The following RBFOX3 variants were observed in gnomAD, a reference collection of about 807,000 sequenced individuals.
RBFOX3 encodes RNA binding fox-1 homolog 3, also known as RNA binding protein fox-1 homolog 3.
Under a neutral mutation model 48.7 loss-of-function variants are expected in RBFOX3, and 17 were observed. That is an observed-to-expected ratio of 0.35 (90% CI 0.24 to 0.52). RBFOX3 has a LOEUF of 0.52. Ranked by LOEUF, RBFOX3 falls within the 20% of genes least tolerant of loss-of-function variation. The pLI is 0.94. For synonymous variants in RBFOX3, 212 were observed against 209.5 expected (o/e 1.01, Z -0.10); for missense variants, 382 against 497.5 (o/e 0.77, Z 2.21).
At chr17:79,345,124 C>G (rs904058674) in intron 2 of RBFOX3, among the ~76,000 whole-genome samples, 6 of 152,234 alleles carry the variant, frequency 3.9e-5, no homozygotes, top group African/African-American at 1.2e-4. Flanking sequence ...TGGAGTTCTT[C>G]AGAGGACAAT....
chr17:79,153,720 C>A (rs2707033), intron 4 of RBFOX3, among the ~76,000 whole-genome samples: 2 of 152,062 alleles, frequency 1.3e-5, no homozygotes, highest in African/African-American at 4.8e-5. Flanking sequence ...GTAACCAATC[C>A]CACCACCTGC....
intron 2 of RBFOX3, among the ~76,000 whole-genome samples, chr17:79,378,875 G>GT (rs2059547534): frequency 1.3e-5 from 2 of 152,220 alleles, no homozygotes; most frequent in Admixed American, 6.5e-5. Context: ...CGCACAGTGG[G>GT]TACAGGGGTG....
intron 4 of RBFOX3, among the ~76,000 whole-genome samples, chr17:79,156,816 T>C (rs1220987243): frequency 2.0e-5 from 3 of 152,156 alleles, no homozygotes; most frequent in Non-Finnish European, 2.9e-5. Flanking sequence ...GAGCCTGGCT[T>C]GCTGGAGTCC....
intron 3 of RBFOX3, among the ~76,000 whole-genome samples, chr17:79,284,541 C>A (rs910999119): frequency 3.6e-4 from 15 of 42,094 alleles, no homozygotes; most frequent in Non-Finnish European, 1.4e-4. Context: ...GGAAGAGACT[C>A]GCTTTTTTTT....
intron 2 of RBFOX3, among the ~76,000 whole-genome samples, chr17:79,312,564 G>A (rs2077001451): frequency 6.6e-6 from 1 of 152,148 alleles, no homozygotes; most frequent in Non-Finnish European, 1.5e-5. Flanking sequence ...GGTGGGGGCA[G>A]GTGGTGGGGC....
At chr17:79,560,327 G>A (rs1455380196) in intron 1 of RBFOX3, among the ~76,000 whole-genome samples, 3 of 152,140 alleles carry the variant, frequency 2.0e-5, no homozygotes, top group Non-Finnish European at 4.4e-5. Context: ...GCGAACTGCA[G>A]AGCAGAGAAC....
chr17:79,314,078 T>C (rs1390744240), intron 2 of RBFOX3, among the ~76,000 whole-genome samples: 1 of 152,168 alleles, frequency 6.6e-6, no homozygotes, highest in Non-Finnish European at 1.5e-5. Flanking sequence ...AGGCTCATGA[T>C]CATTCATGGA....
At chr17:79,263,187 C>T (rs1359914454) in intron 3 of RBFOX3, among the ~76,000 whole-genome samples, 1 of 152,224 alleles carries the variant, frequency 6.6e-6, no homozygotes, top group African/African-American at 2.4e-5. Context: ...GCTGCCTCCC[C>T]CAACCTTTGG....
At chr17:79,571,994 C>T (rs1287579052) in intron 1 of RBFOX3, among the ~76,000 whole-genome samples, 5 of 152,330 alleles carry the variant, frequency 3.3e-5, no homozygotes, top group Admixed American at 2.0e-4. Flanking sequence ...TGGGAGCCAT[C>T]GGGTGCAGAC....
rs1004630306 is a variant in RBFOX3 at position 79,273,375 on chromosome 17, C to T, written c.-74+34349G>A. 5.3e-5 allele frequency among the ~76,000 whole-genome samples: 8 copies of T among 151,398 alleles called. No individual in the cohort carries two copies. The South Asian group carries it at 6.2e-4, about 12-fold the overall frequency. On this transcript the variant is annotated intron_variant, in intron 3 of 14. Coordinates refer to ENST00000693108, the MANE Select transcript of RBFOX3 (RefSeq NM_001350451.2). ...TGAAACCTGGTGTCACAGGAATTTTCCAGGATACTTCAGTCCAGGGCTGTG... is the reference window on the plus strand; with the variant it reads ...TGAAACCTGGTGTCACAGGAATTTTTCAGGATACTTCAGTCCAGGGCTGTG...
chr17:79,542,895 A>T (rs1786717502), intron 1 of RBFOX3, among the ~76,000 whole-genome samples: 1 of 152,164 alleles, frequency 6.6e-6, no homozygotes, highest in South Asian at 2.1e-4. Flanking sequence ...TGTATAAGGG[A>T]TTATCAGTCA....
chr17:79,611,128 CCTTCTCT>C (rs1346249159), upstream of RBFOX3, among the ~76,000 whole-genome samples: 14 of 45,274 alleles, frequency 3.1e-4, 5 homozygotes, highest in Non-Finnish European at 1.3e-3. Flanking sequence ...TCTCCGCCCT[CCTTCTCT>C]CTCTCTCTCT....
At chr17:79,177,195 C>T (rs1019219502) in intron 4 of RBFOX3, among the ~76,000 whole-genome samples, 4 of 149,794 alleles carry the variant, frequency 2.7e-5, no homozygotes, top group South Asian at 2.1e-4. Context: ...AAGGCCACCA[C>T]TGGCCTCCTC....
At chr17:79,643,219 GA>G in the RBFOX3 span, among the ~76,000 whole-genome samples, 1 of 152,234 alleles carries the variant, frequency 6.6e-6, no homozygotes, top group Non-Finnish European at 1.5e-5. Context: ...CAGAAATAAA[GA>G]GTAACATCAC....
At chr17:79,141,807 G>A (rs902797686) in intron 4 of RBFOX3, among the ~76,000 whole-genome samples, 7 of 152,082 alleles carry the variant, frequency 4.6e-5, no homozygotes, top group South Asian at 2.1e-4. Flanking sequence ...AGTGCCCCCC[G>A]GTCGCAAGCA....
chr17:79,478,717 G>A (rs1158389067), intron 2 of RBFOX3, among the ~76,000 whole-genome samples: 1 of 152,194 alleles, frequency 6.6e-6, no homozygotes, highest in African/African-American at 2.4e-5. Flanking sequence ...TGGAGTTTTT[G>A]CTCAGGCCCA....
chr17:79,221,303 C>A (rs1454331947), intron 4 of RBFOX3, among the ~76,000 whole-genome samples: 1 of 152,254 alleles, frequency 6.6e-6, no homozygotes, highest in African/African-American at 2.4e-5. Context: ...TTTGAATAGA[C>A]AAAAGAGACT....
chr17:79,620,807 C>T, the RBFOX3 span, among the ~76,000 whole-genome samples: 920 of 152,272 alleles, frequency 6.0e-3, 18 homozygotes, highest in East Asian at 0.025. Context: ...CTGGCTCCAC[C>T]CTCCACAGCA....
chr17:79,157,987 C>CT (rs2046197778), intron 4 of RBFOX3, among the ~76,000 whole-genome samples: 1 of 152,188 alleles, frequency 6.6e-6, no homozygotes, highest in African/African-American at 2.4e-5. Context: ...GTCCTAACCC[C>CT]TAGTACCTTA....
Sources: allele counts gnomAD v4.1 joint callset (sites outside exome capture counted in the v4.1 genomes callset), GRCh38; gene constraint gnomAD v4.1.1; transcripts MANE v1.5; gene names NCBI Gene and HGNC (gene_info 2026-07-23, HGNC 2026-07-21).